The following WWOX variants were observed in gnomAD, a reference collection of about 807,000 sequenced individuals.
The protein encoded by WWOX is WW domain-containing oxidoreductase.
In WWOX, 69 loss-of-function variants were observed where a neutral mutation model predicts 46.2. The ratio of observed to expected loss-of-function variants is 1.49; its 90% CI spans 1.23 to 1.82. The LOEUF is 1.82. WWOX is among the 40% of genes most tolerant of loss of function. The pLI is 0.00. For synonymous variants in WWOX, 359 were observed against 202.6 expected, an observed-to-expected ratio of 1.77 and a Z score of -6.56; for missense variants, 919 against 542.6, an observed-to-expected ratio of 1.69 and a Z score of -6.89.
intron 8 of WWOX, among the ~76,000 whole-genome samples, chr16:78,657,275 C>G (rs757996775): frequency 3.9e-5 from 6 of 152,156 alleles, no homozygotes; most frequent in African/African-American, 1.4e-4. Context: ...AGACGCTCTT[C>G]TCTGGCTTCC....
At chr16:78,402,097 CTCCAAAAAGA>C (rs2082426330) in intron 6 of WWOX, among the ~76,000 whole-genome samples, 3 of 152,222 alleles carry the variant, frequency 2.0e-5, no homozygotes, top group Non-Finnish European at 4.4e-5. Flanking sequence ...AATTTCATCA[CTCCAAAAAGA>C]AATCTCATAA....
At chr16:78,758,991 G>T (rs573983007) in intron 8 of WWOX, among the ~76,000 whole-genome samples, 34 of 151,438 alleles carry the variant, frequency 2.2e-4, no homozygotes, top group Non-Finnish European at 4.7e-4. Context: ...CATATTTTAG[G>T]TGTGTTTAAT....
intron 8 of WWOX, among the ~76,000 whole-genome samples, chr16:78,614,454 G>T (rs1470716002): frequency 6.6e-6 from 1 of 152,218 alleles, no homozygotes. Context: ...TCTGGCTGGG[G>T]TGAGGGCGGC....
At chr16:78,484,132 A>T (rs193031930) in intron 8 of WWOX, among the ~76,000 whole-genome samples, 4 of 152,238 alleles carry the variant, frequency 2.6e-5, no homozygotes, top group African/African-American at 9.6e-5. Flanking sequence ...TTGCATATGT[A>T]TGTAGTGCTT....
chr16:78,225,028 A>G (rs1337347870), intron 5 of WWOX, among the ~76,000 whole-genome samples: 3 of 152,346 alleles, frequency 2.0e-5, no homozygotes, highest in Admixed American at 6.5e-5. Flanking sequence ...TATGTATATC[A>G]CAGGTACAGT....
intron 8 of WWOX, among the ~76,000 whole-genome samples, chr16:79,192,286 G>T (rs148905119): frequency 6.6e-6 from 1 of 151,664 alleles, no homozygotes. Context: ...CCAAACAGCT[G>T]TTATTTTCGC....
At chr16:78,730,411 T>C (rs1295782015) in intron 8 of WWOX, among the ~76,000 whole-genome samples, 1 of 152,046 alleles carries the variant, frequency 6.6e-6, no homozygotes, top group Non-Finnish European at 1.5e-5. Flanking sequence ...AGGTAAGATA[T>C]TTCCTAGGAC....
At chr16:78,956,911 G>A (rs2046178841) in intron 8 of WWOX, among the ~76,000 whole-genome samples, 2 of 152,192 alleles carry the variant, frequency 1.3e-5, no homozygotes, top group Admixed American at 6.5e-5. Context: ...AGGATGTTTT[G>A]TAAAGAAAGT....
chr16:79,021,608 A>G (rs142138078), intron 8 of WWOX, among the ~76,000 whole-genome samples: 1 of 152,044 alleles, frequency 6.6e-6, no homozygotes, highest in African/African-American at 2.4e-5. Context: ...AATAGCTGCG[A>G]CTCTCGCGTG....
intron 8 of WWOX, among the ~76,000 whole-genome samples, chr16:78,943,078 G>T (rs886525751): frequency 2.0e-5 from 3 of 152,116 alleles, no homozygotes; most frequent in African/African-American, 7.2e-5. Context: ...GGCAATGACG[G>T]CAACTATTTT....
chr16:78,778,341 C>T (rs529609181), intron 8 of WWOX, among the ~76,000 whole-genome samples: 71 of 152,264 alleles, frequency 4.7e-4, no homozygotes, highest in African/African-American at 1.6e-3. Flanking sequence ...GCAGGTTTCA[C>T]GTAACTGATT....
chr16:78,760,891 G>T (rs552938963), intron 8 of WWOX, among the ~76,000 whole-genome samples: 1 of 152,304 alleles, frequency 6.6e-6, no homozygotes, highest in East Asian at 1.9e-4. Flanking sequence ...ATAATGGAAG[G>T]GGAAAGGCGC....
At chr16:78,190,249 G>C (rs1319093641) in intron 5 of WWOX, among the ~76,000 whole-genome samples, 2 of 152,216 alleles carry the variant, frequency 1.3e-5, no homozygotes, top group Admixed American at 6.5e-5. Context: ...GAGGTGCAGG[G>C]ATGTTTATAT....
At chr16:78,351,491 G>A (rs1597079336) in intron 5 of WWOX, among the ~76,000 whole-genome samples, 1 of 152,138 alleles carries the variant, frequency 6.6e-6, no homozygotes. Flanking sequence ...GGGGCAGAGG[G>A]GTGGTCTGCC....
intron 8 of WWOX, among the ~76,000 whole-genome samples, chr16:78,547,871 G>C (rs1003065674): frequency 1.3e-5 from 2 of 152,066 alleles, no homozygotes; most frequent in Non-Finnish European, 2.9e-5. Context: ...TCAACATATG[G>C]CTGGGCGTGG....
intron 8 of WWOX, among the ~76,000 whole-genome samples, chr16:78,656,832 T>C (rs1370632940): frequency 6.6e-6 from 1 of 152,156 alleles, no homozygotes; most frequent in Non-Finnish European, 1.5e-5. Context: ...TGGTGAGTTC[T>C]AGACTTGATG....
At chr16:78,136,455 C>T (rs1385846994) in intron 4 of WWOX, among the ~76,000 whole-genome samples, 1 of 152,174 alleles carries the variant, frequency 6.6e-6, no homozygotes, top group South Asian at 2.1e-4. Context: ...TCTCTTTAGA[C>T]CTTACTGGAT....
chr16:78,982,609 C>G (rs372969783), intron 8 of WWOX, among the ~76,000 whole-genome samples: 1 of 152,114 alleles, frequency 6.6e-6, no homozygotes, highest in Non-Finnish European at 1.5e-5. Flanking sequence ...TCTATGGCTT[C>G]TTGACAGGAG....
chr16:78,737,616 C>T (rs564163354), intron 8 of WWOX, among the ~76,000 whole-genome samples: 146 of 152,206 alleles, frequency 9.6e-4, no homozygotes, highest in Middle Eastern at 3.4e-3. Context: ...TTCCCAAAGT[C>T]CATTGTATCA....
Sources: gnomAD v4.1 joint callset for allele counts (sites outside exome capture counted in the v4.1 genomes callset) on GRCh38, gnomAD v4.1.1 for gene constraint, MANE v1.5 for transcripts, NCBI Gene and HGNC (gene_info 2026-07-23, HGNC 2026-07-21) for gene names.